SH3D19: variants seen among roughly 807,000 people sequenced by gnomAD.
The protein encoded by SH3D19 is SH3 domain-containing protein 19.
SH3D19 carries 58 observed loss-of-function variants against 112.1 expected under a neutral mutation model. That is an observed-to-expected ratio of 0.52 (90% CI 0.42 to 0.64). SH3D19 has a LOEUF of 0.64. Ranked by LOEUF, SH3D19 falls within the 30% of genes least tolerant of loss-of-function variation. SH3D19 has a pLI of 0.00. For missense variants in SH3D19, 1,090 were observed against 1,263.4 expected (o/e 0.86, Z 2.08); for synonymous variants, 391 against 448.5 (o/e 0.87, Z 1.62).
At chr4:151,222,214 G>A (rs963449219) in intron 2 of SH3D19, among the ~76,000 whole-genome samples, 2 of 152,012 alleles carry the variant, frequency 1.3e-5, no homozygotes, top group African/African-American at 2.4e-5. Context: ...CCTCCCTCTG[G>A]GACTCCCAGG....
chr4:151,163,374 T>C (rs1757466985), intron 8 of SH3D19, among the ~76,000 whole-genome samples: 1 of 152,318 alleles, frequency 6.6e-6, no homozygotes, highest in East Asian at 1.9e-4. Flanking sequence ...TAAAAATTTG[T>C]ATTTATTACT....
chr4:151,246,129 A>T (rs2149972604), intron 1 of SH3D19, among the ~76,000 whole-genome samples: 1 of 152,302 alleles, frequency 6.6e-6, no homozygotes, highest in Non-Finnish European at 1.5e-5. Context: ...TTTTCAGGAA[A>T]AATTCTCCAT....
chr4:151,186,829 C>G (rs1320370210), intron 3 of SH3D19, among the ~76,000 whole-genome samples: 37 of 130,156 alleles, frequency 2.8e-4, no homozygotes, highest in African/African-American at 1.0e-3. Context: ...GAGTCTCGCT[C>G]TGTCGCCCAG....
At chr4:151,304,375 C>A (rs1448941096) in intron 1 of SH3D19, among the ~76,000 whole-genome samples, 1 of 152,106 alleles carries the variant, frequency 6.6e-6, no homozygotes, top group Non-Finnish European at 1.5e-5. Context: ...TTTAACTTAC[C>A]CTGGTCCCTT....
At chr4:151,271,184 C>G (rs1395841539) in intron 1 of SH3D19, among the ~76,000 whole-genome samples, 1 of 152,124 alleles carries the variant, frequency 6.6e-6, no homozygotes, top group Non-Finnish European at 1.5e-5. Context: ...CTTTGACCCC[C>G]CAAAGGCCTA....
In SH3D19 at chr4:151,282,421, T is replaced by C. The variant is rs560325226; in HGVS notation, c.112+42820A>G. 5.0e-6 allele frequency: 8 copies of C among 1,613,430 alleles called. No individual in the cohort carries two copies. In the East Asian group the frequency reaches 8.9e-5, roughly 18 times the overall value. ...AAGTTAAGGAAAGTTCAGGTGAGAA[T>C]GGGCAGAGAGAAGGGTTGTTTCATA... On this transcript the variant is annotated intron_variant, in intron 1 of 19. Transcript: ENST00000604030.
intron 19 of SH3D19, among the ~76,000 whole-genome samples, chr4:151,126,544 C>T (rs1749370317): frequency 6.6e-6 from 1 of 151,800 alleles, no homozygotes; most frequent in Non-Finnish European, 1.5e-5. Context: ...GCCTGTAATC[C>T]CAGCACTTTT....
At chr4:151,145,455 C>G (rs970990858) in intron 11 of SH3D19, among the ~76,000 whole-genome samples, 5 of 152,174 alleles carry the variant, frequency 3.3e-5, no homozygotes, top group African/African-American at 1.2e-4. Flanking sequence ...TCTCCCTACC[C>G]TGCACCTTGT....
intron 1 of SH3D19, among the ~76,000 whole-genome samples, chr4:151,292,405 C>T (rs770180300): frequency 1.2e-4 from 18 of 152,084 alleles, no homozygotes; most frequent in Admixed American, 8.5e-4. Flanking sequence ...TGACCTACTA[C>T]GAACAATGGA....
intron 7 of SH3D19, 31 bp from the exon 8 acceptor site, chr4:151,165,727 T>C: frequency 3.2e-6 from 5 of 1,586,272 alleles, no homozygotes; most frequent in Non-Finnish European, 4.3e-6. Context: ...TTTTGCATGT[T>C]TTAGTTAACA....
At chr4:151,277,660 G>A (rs1390177753) in intron 1 of SH3D19, among the ~76,000 whole-genome samples, 1 of 152,144 alleles carries the variant, frequency 6.6e-6, no homozygotes, top group Admixed American at 6.5e-5. Flanking sequence ...AGCATCTCAA[G>A]CAGAGGGAAC....
At chr4:151,283,182 C>T (rs1774414806) in intron 1 of SH3D19, 1 of 1,613,744 alleles carries the variant, frequency 6.2e-7, no homozygotes. Flanking sequence ...GGCTTGTGAA[C>T]AGCTCTACAA....
At chr4:151,319,239 G>A (rs1338113941) in intron 1 of SH3D19, among the ~76,000 whole-genome samples, 2 of 152,130 alleles carry the variant, frequency 1.3e-5, no homozygotes, top group Non-Finnish European at 2.9e-5. Flanking sequence ...TGGTAGATAT[G>A]GGGTATCATC....
intron 2 of SH3D19, among the ~76,000 whole-genome samples, chr4:151,203,618 C>A (rs920802912): frequency 6.6e-6 from 1 of 152,118 alleles, no homozygotes; most frequent in African/African-American, 2.4e-5. Flanking sequence ...TAAAAGTATG[C>A]CAAGGAACTG....
chr4:151,127,689 C>G lies in SH3D19; in HGVS notation c.2956G>C (p.Val986Leu), dbSNP rs761916760. ...GCTTTGGCCTTCCTCCCCTTCGGTA[C>G]TATGGCCAACATACTTTTTGCCTCA... is the stretch of plus-strand genomic sequence containing the variant. Reference protein sequence around the residue: ...PAEAKSMLAIVPKGRKAKALY... With the variant: ...PAEAKSMLAILPKGRKAKALY... The change falls in exon 19 of 20, where the codon GTA becomes CTA. Residue 986 changes from valine (V) to leucine (L), a missense_variant. By Grantham distance (32) the Val-to-Leu change is conservative (BLOSUM62 1). Transcript: ENST00000604030. The G allele has an allele frequency of 1.2e-6, 2 of 1,601,494 alleles. No individual in the cohort carries two copies. Among genetic ancestry groups the G allele is most frequent in the African/African-American group, 1.3e-5 (1 of 74,204 alleles).
intron 1 of SH3D19, among the ~76,000 whole-genome samples, chr4:151,310,409 T>C (rs1353260238): frequency 6.6e-6 from 1 of 151,942 alleles, no homozygotes; most frequent in Non-Finnish European, 1.5e-5. Flanking sequence ...AGATATGTGT[T>C]GGCAAGGATG....
At chr4:151,231,782 C>A (rs1430887713) in intron 1 of SH3D19, among the ~76,000 whole-genome samples, 1 of 152,074 alleles carries the variant, frequency 6.6e-6, no homozygotes, top group Non-Finnish European at 1.5e-5. Flanking sequence ...ATAGTGACAT[C>A]GTTCATTAAT....
intron 8 of SH3D19, among the ~76,000 whole-genome samples, chr4:151,163,586 C>CTT (rs200482400): frequency 3.4e-4 from 49 of 145,032 alleles, no homozygotes; most frequent in Middle Eastern, 3.5e-3. Flanking sequence ...TTCTTTCTTT[C>CTT]TTTTTTTTTT....
chr4:151,236,264 C>T (rs1770032476), intron 1 of SH3D19, among the ~76,000 whole-genome samples: 2 of 152,252 alleles, frequency 1.3e-5, no homozygotes, highest in South Asian at 4.1e-4. Context: ...GGGGCTGCGC[C>T]CGGGGCTTGC....
Sources: gnomAD v4.1 joint callset for allele counts (sites outside exome capture counted in the v4.1 genomes callset) on GRCh38, gnomAD v4.1.1 for gene constraint, MANE v1.5 for transcripts, NCBI Gene and HGNC (gene_info 2026-07-23, HGNC 2026-07-21) for gene names.